Variants in TROAP observed in about 807,000 individuals in gnomAD.
The protein encoded by TROAP is tastin.
A neutral mutation model predicts 83.4 loss-of-function variants in TROAP; 62 were observed. The ratio of observed to expected loss-of-function variants is 0.74; its 90% CI spans 0.61 to 0.92. The LOEUF (loss-of-function observed/expected upper bound fraction) is 0.92, where lower values mean the gene tolerates loss of function less well. TROAP is among the 40% of genes least tolerant of loss of function. The probability of loss-of-function intolerance (pLI) is 0.00; values close to 1 mark genes in which losing one functional copy is unlikely to be tolerated. For missense variants in TROAP, 876 were observed against 985.1 expected (o/e 0.89, Z 1.48); for synonymous variants, 352 against 386.4 (o/e 0.91, Z 1.04).
chr12:49,327,703 A>C (rs1205228124), intron 8 of TROAP, among the ~76,000 whole-genome samples: 1 of 152,192 alleles, frequency 6.6e-6, no homozygotes, highest in African/African-American at 2.4e-5. Flanking sequence ...AGCAGTAAAC[A>C]AGTTCATATT....
chr12:49,331,235 G>A lies in TROAP; in HGVS notation c.2120G>A (p.Arg707Gln), dbSNP rs533816384. 5.3e-5 allele frequency: 85 copies of A among 1,614,016 alleles called. No individual in the cohort carries two copies. In the Middle Eastern group the frequency reaches 2.1e-3, roughly 41 times the overall value. ...TCAGGCCTCAGCAATCTGGCCCCTCGAACCCTAGCCCTGAGGGAGCGCCTC... is the reference window on the plus strand; with the variant it reads ...TCAGGCCTCAGCAATCTGGCCCCTCAAACCCTAGCCCTGAGGGAGCGCCTC... ...GQAGLSNLAP[R>Q]TLALRERLKS... Residue 707 changes from arginine to glutamine, a missense_variant, in exon 14 of 15, where the codon CGA (arginine) becomes CAA (glutamine). Physicochemically the swap from Arg to Gln is conservative, Grantham distance 43. Coordinates refer to ENST00000257909, the MANE Select transcript of TROAP (RefSeq NM_005480.4).
chr12:49,324,234 C>T, intron 3 of TROAP, 197 bp downstream of exon 3: 1 of 1,607,134 alleles, frequency 6.2e-7, no homozygotes, highest in East Asian at 2.2e-5. Context: ...TCGCCAGGTG[C>T]CATGGCTTGT....
rs756836849 is a variant in TROAP, at chr12:49,330,508, C to A, written c.1663C>A (p.Pro555Thr). ...PEPYPPAEPR[P>T]LESCCRSEPE... ...GCCCTACCCTCCAGCAGAACCCAGG[C>A]CCCTAGAGTCCTGCTGTAGGAGTGA... The change falls in exon 13 of 15, where the codon CCC becomes ACC. Residue 555 changes from proline to threonine, a missense_variant. Physicochemically the swap from Pro to Thr is conservative, Grantham distance 38 (BLOSUM62 -1). Coordinates refer to ENST00000257909, the MANE Select transcript of TROAP (RefSeq NM_005480.4). 1.9e-6 allele frequency: 3 copies of A among 1,613,646 alleles called. No homozygotes were observed. The highest frequency in any genetic ancestry group is 1.7e-6 in the Non-Finnish European group (2 of 1,179,720).
chr12:49,330,357 T>A lies in TROAP; in HGVS notation c.1512T>A (p.Cys504Ter). ...LLKHSGLPKP[C>*]LPEECGEPQP... The stretch of plus-strand genomic sequence containing the variant: ...AACACTCAGGGCTGCCAAAGCCCTG[T>A]CTTCCAGAGGAGTGCGGGGAACCAC... The change falls in exon 13 of 15, where the codon TGT (cysteine) becomes TGA (stop). Residue 504 changes from cysteine to a stop codon, truncating the protein, a stop_gained. Transcript: ENST00000257909. LOFTEE classifies it high-confidence loss of function. 6.2e-7 allele frequency: 1 copy of A among 1,614,164 alleles called. No homozygotes were observed. The highest frequency in any genetic ancestry group is 1.1e-5 in the South Asian group (1 of 91,090).
rs780281448 is a variant in TROAP at position 49,330,672 on chromosome 12, G to A, written c.1827G>A (p.Glu609=). The change falls in exon 13 of 15, where the codon GAG becomes GAA. Residue 609 remains glutamate, a synonymous_variant. Transcript: ENST00000257909. ...IPESSRQEQL[E]VPEPCPPAEP... ...AGTCCTCTCGCCAGGAACAGCTTGA[G>A]GTACCTGAGCCCTGCCCTCCAGCAG... 1.2e-6 allele frequency: 2 copies of A among 1,613,938 alleles called. No individual in the cohort carries two copies. Among genetic ancestry groups the A allele is most frequent in the Non-Finnish European group, 1.7e-6 (2 of 1,179,942 alleles).
In TROAP at chr12:49,323,636, C is replaced by T; in HGVS notation, c.28C>T (p.Pro10Ser). Residue 10 changes from proline to serine, a missense_variant, in exon 2 of 15, where the codon CCC becomes TCC. Pro to Ser is a moderately conservative substitution (Grantham distance 74). Around this residue, in one of 3 missense-constraint regions of TROAP, gnomAD observed 689 missense variants for 722.6 expected, o/e 0.95. Transcript: ENST00000257909. ...GACCACCCGGCAAGCCACGAAGGAT[C>T]CCCTCCTCCGGGGTGTATCTCCTAC... MTTRQATKDPLLRGVSPTPS... is the reference protein window; with the variant it reads MTTRQATKDSLLRGVSPTPS... The T allele has an allele frequency of 6.2e-7, 1 of 1,614,054 alleles. No homozygotes were observed. Among genetic ancestry groups the T allele is most frequent in the Non-Finnish European group, 8.5e-7 (1 of 1,179,992 alleles).
chr12:49,324,641 C>T (rs1943466443), intron 3 of TROAP: 1 of 154,158 alleles, frequency 6.5e-6, no homozygotes, highest in African/African-American at 2.4e-5. Context: ...CAACACTCCT[C>T]CGAGGCAGGA....
At position 49,329,525 on chromosome 12, in the gene TROAP, G is replaced by A. The variant is rs910122339; in HGVS notation, c.1164+71G>A. 6.6e-7 allele frequency: 1 copy of A among 1,519,146 alleles called. No homozygotes were observed. Among genetic ancestry groups the A allele is most frequent in the Non-Finnish European group, 8.9e-7 (1 of 1,125,988 alleles). 94.1% of individuals were successfully genotyped at this position (1,519,146 alleles called of 1,614,324 possible). A position where few individuals can be genotyped will look rare whatever the true frequency, so the allele number is the denominator to read the frequency against. On this transcript the variant is annotated intron_variant, in intron 11 of 14. Coordinates refer to ENST00000257909, the MANE Select transcript of TROAP (RefSeq NM_005480.4). The surrounding 1 kb of genome is among the most constrained non-coding windows in gnomAD (Gnocchi z 4.5). ...TGCCAGCCTGGAGGCCCAGGAGTTT[G>A]AGGCACACGTGCTTTCTGGGCCAGG...
In TROAP at chr12:49,329,315, G is replaced by A. The variant is rs1943545477; in HGVS notation, c.1104+71G>A. 1 of 1,612,990 alleles carries A rather than the reference G, an allele frequency of 6.2e-7. No individual in the cohort carries two copies. On this transcript the variant is annotated intron_variant, in intron 10 of 14. Transcript: ENST00000257909. This position sits in a 1 kb window ranked among gnomAD's most constrained non-coding sequence, Gnocchi z 4.5. ...GGAGAAAGGAGATGGATGGGTACAG[G>A]AGAGAGAAGACAGAAGCAAGGGGAG...
rs1943487341 is a variant in TROAP, at chr12:49,325,646, C to T, written c.483C>T (p.Thr161=). The T allele has an allele frequency of 1.9e-6, 3 of 1,613,500 alleles. No individual in the cohort carries two copies. Among genetic ancestry groups the T allele is most frequent in the Non-Finnish European group, 2.5e-6 (3 of 1,180,014 alleles). Residue 161 remains threonine (T), a synonymous_variant, in exon 4 of 15, where the codon ACC becomes ACT. Coordinates refer to ENST00000257909, the MANE Select transcript of TROAP (RefSeq NM_005480.4). The stretch of plus-strand genomic sequence containing the variant: ...TTCGAGGAAGTCAGGGAGGCACCAC[C>T]CAGAGGGTCCAGGTAATGAAACAGG... The part of the protein sequence containing the change: ...VLVRGSQGGT[T]QRVQGVRASA...
At chr12:49,328,294 C>T (rs142437211) in intron 8 of TROAP, among the ~76,000 whole-genome samples, 1,808 of 148,668 alleles carry the variant, frequency 0.012, 21 homozygotes, top group Middle Eastern at 0.052. Context: ...GCACGATCTC[C>T]GCTCATTGCA....
In TROAP at chr12:49,329,736, A is replaced by C; in HGVS notation, c.1165-121A>C. 7.3e-6 allele frequency: 10 copies of C among 1,362,764 alleles called. No individual in the cohort carries two copies. The highest frequency in any genetic ancestry group is 1.4e-5 in the South Asian group (1 of 71,316). The allele number at this position is 1,362,764 out of a possible 1,614,324, so 84.4% of individuals were successfully genotyped here. On this transcript the variant is annotated intron_variant, in intron 11 of 14. Coordinates refer to ENST00000257909, the MANE Select transcript of TROAP (RefSeq NM_005480.4). The surrounding 1 kb of genome is among the most constrained non-coding windows in gnomAD (Gnocchi z 4.5). ...TCACTGCTTCTCTGCTGCCCCTCCT[A>C]ATGTACATCTAGGGCCTCTCAGTTA...
chr12:49,330,867 C>G lies in TROAP; in HGVS notation c.2022C>G (p.Phe674Leu). 1 of 1,613,106 alleles carries G rather than the reference C, an allele frequency of 6.2e-7. No individual in the cohort carries two copies. Among genetic ancestry groups the G allele is most frequent in the Admixed American group, 1.7e-5 (1 of 60,016 alleles). Residue 674 changes from phenylalanine (F) to leucine (L), a missense_variant, in exon 13 of 15, where the codon TTC (phenylalanine) becomes TTG (leucine). Physicochemically the swap from Phe to Leu is conservative, Grantham distance 22. Transcript: ENST00000257909. ...CTCCAGCAACCACCAGCCTGATCTT[C>G]TCTTCCCAACACCCGCTTTGTGCCA... ...QWAPATTSLI[F>L]SSQHPLCASP...
At position 49,330,390 on chromosome 12, in the gene TROAP, C is replaced by G; in HGVS notation, c.1545C>G (p.Cys515Trp). The change falls in exon 13 of 15, where the codon TGC (cysteine) becomes TGG (tryptophan). Residue 515 changes from cysteine (C) to tryptophan (W), a missense_variant. Physicochemically the swap from Cys to Trp is radical, Grantham distance 215. Transcript: ENST00000257909. Reference sequence around the variant, plus strand: ...AGGAGTGCGGGGAACCACAGCCCTGCCCTCCGGCAGAGCCTGGGCCCCCAG... The same window carrying G: ...AGGAGTGCGGGGAACCACAGCCCTGGCCTCCGGCAGAGCCTGGGCCCCCAG... ...LPEECGEPQPCPPAEPGPPEA... is the reference protein window; with the variant it reads ...LPEECGEPQPWPPAEPGPPEA... 1 of 1,614,162 alleles carries G rather than the reference C, an allele frequency of 6.2e-7. No homozygotes were observed. The highest frequency in any genetic ancestry group is 1.1e-5 in the South Asian group (1 of 91,090).
intron 8 of TROAP, among the ~76,000 whole-genome samples, chr12:49,328,483 G>A (rs1028407126): frequency 2.0e-4 from 30 of 151,992 alleles, no homozygotes; most frequent in African/African-American, 5.1e-4. Flanking sequence ...TCGGCTTCCC[G>A]AAGTGCTGGG....
Position 49,329,291 on chromosome 12 carries a change from G to A in TROAP, c.1104+47G>A, listed in dbSNP as rs746550471. On this transcript the variant is annotated intron_variant, in intron 10 of 14. Transcript: ENST00000257909. This position sits in a 1 kb window ranked among gnomAD's most constrained non-coding sequence, Gnocchi z 4.5. Reference sequence around the variant, plus strand: ...TGGCTGGCATAAGTCACAGCTAGGGGAGAAAGGAGATGGATGGGTACAGGA... The same window carrying A: ...TGGCTGGCATAAGTCACAGCTAGGGAAGAAAGGAGATGGATGGGTACAGGA... 5.0e-6 allele frequency: 8 copies of A among 1,613,408 alleles called. No homozygotes were observed. The highest frequency in any genetic ancestry group is 6.8e-6 in the Non-Finnish European group (8 of 1,179,404).
Position 49,323,909 on chromosome 12 carries a change from C to G in TROAP, c.209C>G (p.Pro70Arg), listed in dbSNP as rs1466999305. The G allele has an allele frequency of 6.2e-7, 1 of 1,614,092 alleles. No individual in the cohort carries two copies. Among genetic ancestry groups the G allele is most frequent in the Non-Finnish European group, 8.5e-7 (1 of 1,180,050 alleles). ...CTCGTTGATTCAGCAGGCCCCAGGC[C>G]GAAAGCCAGGCACCAGGCAGAGACA... ...RPLVDSAGPRPKARHQAETSQ... is the reference protein window; with the variant it reads ...RPLVDSAGPRRKARHQAETSQ... The change falls in exon 3 of 15, where the codon CCG becomes CGG. Residue 70 changes from proline to arginine, a missense_variant. By Grantham distance (103) the Pro-to-Arg change is moderately radical. Transcript: ENST00000257909.
chr12:49,329,944 G>C lies in TROAP; in HGVS notation c.1252G>C (p.Gly418Arg), dbSNP rs572587315. Residue 418 changes from glycine (G) to arginine (R), a missense_variant, in exon 12 of 15, where the codon GGA becomes CGA. Transcript: ENST00000257909. The surrounding 1 kb of genome is among the most constrained non-coding windows in gnomAD (Gnocchi z 4.5). ...GAAACCACCGGTGGCCACTCCTTCTGGACCCCACTCTAACAGAACCCCCAG... is the reference window on the plus strand; with the variant it reads ...GAAACCACCGGTGGCCACTCCTTCTCGACCCCACTCTAACAGAACCCCCAG... ...SGKPPVATPS[G>R]PHSNRTPSLQ... The C allele has an allele frequency of 6.2e-7, 1 of 1,614,106 alleles. No homozygotes were observed. Among genetic ancestry groups the C allele is most frequent in the East Asian group, 2.2e-5 (1 of 44,882 alleles).
Position 49,329,364 on chromosome 12 carries a change from A to C in TROAP, c.1105-31A>C. 1 of 1,613,338 alleles carries C rather than the reference A, an allele frequency of 6.2e-7. No individual in the cohort carries two copies. Among genetic ancestry groups the C allele is most frequent in the Non-Finnish European group, 8.5e-7 (1 of 1,179,522 alleles). On this transcript the variant is annotated intron_variant, in intron 10 of 14. Coordinates refer to ENST00000257909, the MANE Select transcript of TROAP (RefSeq NM_005480.4). This position sits in a 1 kb window ranked among gnomAD's most constrained non-coding sequence, Gnocchi z 4.5. ...AGGCTGAGTGCCATCTGTGGGTGTCAGCCCTTGCTGACATCTCACTTCTGT... is the reference window on the plus strand; with the variant it reads ...AGGCTGAGTGCCATCTGTGGGTGTCCGCCCTTGCTGACATCTCACTTCTGT...
Sources: gnomAD v4.1 joint callset for allele counts (sites outside exome capture counted in the v4.1 genomes callset) on GRCh38, gnomAD v4.1.1 for gene constraint, gnomAD v4.1.1 regional missense constraint, Gnocchi (gnomAD v3.1) non-coding constraint, MANE v1.5 for transcripts, NCBI Gene and HGNC (gene_info 2026-07-23, HGNC 2026-07-21) for gene names.